KHDRBS2: variants seen among roughly 807,000 people sequenced by gnomAD.
KHDRBS2 encodes KH RNA binding domain containing, signal transduction associated 2.
In KHDRBS2, 26 loss-of-function variants were observed where a neutral mutation model predicts 44.3. That is an observed-to-expected ratio of 0.59 (90% CI 0.43 to 0.81). The LOEUF is 0.81. Ranked by LOEUF, KHDRBS2 falls within the 40% of genes least tolerant of loss-of-function variation. The probability of loss-of-function intolerance (pLI) is 0.00; values close to 1 mark genes in which losing one functional copy is unlikely to be tolerated. For missense variants in KHDRBS2, 476 were observed against 433.1 expected (o/e 1.10, Z -0.88); for synonymous variants, 194 against 151.1 (o/e 1.28, Z -2.08).
At chr6:62,082,665 G>A (rs1797630113) in intron 2 of KHDRBS2, among the ~76,000 whole-genome samples, 1 of 152,134 alleles carries the variant, frequency 6.6e-6, no homozygotes, top group South Asian at 2.1e-4. Flanking sequence ...CTTCTGATTT[G>A]AGATTTAAAT....
chr6:62,276,818 C>A (rs1014748670), intron 1 of KHDRBS2, among the ~76,000 whole-genome samples: 3 of 152,164 alleles, frequency 2.0e-5, no homozygotes, highest in African/African-American at 7.2e-5. Context: ...AACATTGGGT[C>A]TCTATCACAG....
At chr6:61,564,755 TG>T in the KHDRBS2 span, among the ~76,000 whole-genome samples, 2 of 152,102 alleles carry the variant, frequency 1.3e-5, no homozygotes, top group African/African-American at 4.8e-5. Flanking sequence ...CAGTTGGCCC[TG>T]ACATTTTCCC....
chr6:61,624,947 G>C, the KHDRBS2 span, among the ~76,000 whole-genome samples: 1 of 152,134 alleles, frequency 6.6e-6, no homozygotes, highest in Non-Finnish European at 1.5e-5. Context: ...AGATAGAGCT[G>C]CTCCTGGGAG....
At chr6:62,101,933 C>T (rs1387840353) in intron 2 of KHDRBS2, among the ~76,000 whole-genome samples, 1 of 152,150 alleles carries the variant, frequency 6.6e-6, no homozygotes, top group East Asian at 1.9e-4. Flanking sequence ...TTAAAATGCA[C>T]AAACAAGTAT....
At chr6:61,831,570 A>C (rs549735984) in intron 6 of KHDRBS2, among the ~76,000 whole-genome samples, 1 of 152,266 alleles carries the variant, frequency 6.6e-6, no homozygotes, top group South Asian at 2.1e-4. Context: ...AATGACTAAT[A>C]CATGAACCTT....
At chr6:61,892,339 T>C (rs1455606136) in intron 6 of KHDRBS2, among the ~76,000 whole-genome samples, 1 of 152,198 alleles carries the variant, frequency 6.6e-6, no homozygotes, top group Non-Finnish European at 1.5e-5. Context: ...AGGTAATTTA[T>C]AGATTCAATG....
At chr6:62,012,023 T>C (rs1780391604) in intron 3 of KHDRBS2, among the ~76,000 whole-genome samples, 1 of 152,160 alleles carries the variant, frequency 6.6e-6, no homozygotes, top group Non-Finnish European at 1.5e-5. Flanking sequence ...AAATGACATC[T>C]TACAAATGTT....
chr6:61,609,314 C>T, the KHDRBS2 span, among the ~76,000 whole-genome samples: 2,783 of 152,232 alleles, frequency 0.018, 81 homozygotes, highest in African/African-American at 0.064. Flanking sequence ...GCCGAGATTG[C>T]GCCACTGCAC....
intron 4 of KHDRBS2, among the ~76,000 whole-genome samples, chr6:61,916,973 T>TTC (rs1554271726): frequency 2.0e-5 from 3 of 148,684 alleles, no homozygotes; most frequent in African/African-American, 7.4e-5. Flanking sequence ...GTATTTTTTT[T>TTC]TTTTTTTTTT....
At chr6:61,615,487 GA>G in the KHDRBS2 span, among the ~76,000 whole-genome samples, 16 of 152,136 alleles carry the variant, frequency 1.1e-4, no homozygotes, top group South Asian at 3.3e-3. Context: ...AATAAATGAA[GA>G]AACAAGTAGT....
At chr6:62,148,570 C>A (rs1466719226) in intron 2 of KHDRBS2, among the ~76,000 whole-genome samples, 1 of 151,908 alleles carries the variant, frequency 6.6e-6, no homozygotes, top group Non-Finnish European at 1.5e-5. Flanking sequence ...CACAAACCTG[C>A]CTCCAATTTT....
chr6:61,728,949 C>A (rs1185734285), intron 7 of KHDRBS2, among the ~76,000 whole-genome samples: 1 of 152,086 alleles, frequency 6.6e-6, no homozygotes, highest in Non-Finnish European at 1.5e-5. Context: ...GCCATAAATA[C>A]CATTCTACCC....
chr6:61,627,122 G>A, the KHDRBS2 span, among the ~76,000 whole-genome samples: 7 of 151,102 alleles, frequency 4.6e-5, no homozygotes, highest in East Asian at 7.8e-4. Flanking sequence ...GCGTGGTAGC[G>A]GGCGCCTGTA....
chr6:62,182,193 T>A (rs192731853), intron 1 of KHDRBS2, among the ~76,000 whole-genome samples: 1 of 152,152 alleles, frequency 6.6e-6, no homozygotes, highest in Admixed American at 6.6e-5. Flanking sequence ...ACTCCATTTA[T>A]GGTATTTTAT....
At chr6:61,739,495 C>T (rs1028217369) in intron 6 of KHDRBS2, among the ~76,000 whole-genome samples, 15 of 151,770 alleles carry the variant, frequency 9.9e-5, no homozygotes, top group Admixed American at 2.6e-4. Context: ...GAATAATACA[C>T]TTTTAAATAA....
chr6:62,052,269 A>G lies in KHDRBS2; in HGVS notation c.220-4275T>C, dbSNP rs1789237119. Among the ~76,000 whole-genome samples, 3 of 152,002 alleles carry G rather than the reference A, an allele frequency of 2.0e-5. No homozygotes were observed. The South Asian group carries it at 6.2e-4, about 31-fold the overall frequency. On this transcript the variant is annotated intron_variant, in intron 2 of 8. Transcript: ENST00000281156. ...TGACAGACAAATGGATAAAGAAACA[A>G]TATAGTGGAATATTATTCAGCCTGA... is the stretch of plus-strand genomic sequence containing the variant.
At chr6:61,726,478 G>C (rs189999868) in intron 7 of KHDRBS2, among the ~76,000 whole-genome samples, 1 of 151,822 alleles carries the variant, frequency 6.6e-6, no homozygotes, top group African/African-American at 2.4e-5. Flanking sequence ...AGAAGAAGTC[G>C]AACTCTCTTT....
chr6:61,754,099 G>C (rs564592107), intron 6 of KHDRBS2, among the ~76,000 whole-genome samples: 2 of 152,256 alleles, frequency 1.3e-5, no homozygotes, highest in South Asian at 4.1e-4. Flanking sequence ...AACTGCGAGA[G>C]AATAGATTTT....
chr6:62,051,772 G>T (rs1287495242), intron 2 of KHDRBS2, among the ~76,000 whole-genome samples: 1 of 151,784 alleles, frequency 6.6e-6, no homozygotes, highest in African/African-American at 2.4e-5. Flanking sequence ...AATTTATAAT[G>T]AATTAAGACA....
Sources: gnomAD v4.1 joint callset for allele counts (sites outside exome capture counted in the v4.1 genomes callset) on GRCh38, gnomAD v4.1.1 for gene constraint, MANE v1.5 for transcripts, NCBI Gene and HGNC (gene_info 2026-07-23, HGNC 2026-07-21) for gene names.